The following ARL8B variants were observed in gnomAD, a reference collection of about 807,000 sequenced individuals.
The protein encoded by ARL8B is ADP-ribosylation factor-like protein 8B.
A neutral mutation model predicts 30.6 loss-of-function variants in ARL8B; 9 were observed. The ratio of observed to expected loss-of-function variants is 0.29; its 90% CI spans 0.18 to 0.51. ARL8B has a LOEUF of 0.51. Ranked by LOEUF, ARL8B falls within the 20% of genes least tolerant of loss-of-function variation. ARL8B has a pLI of 0.97. For missense variants in ARL8B, 130 were observed against 227.2 expected, an observed-to-expected ratio of 0.57 and a Z score of 2.75; for synonymous variants, 74 against 76.0, an observed-to-expected ratio of 0.97 and a Z score of 0.14.
intron 1 of ARL8B, among the ~76,000 whole-genome samples, chr3:5,164,016 C>T (rs1175778883): frequency 6.6e-6 from 1 of 152,102 alleles, no homozygotes; most frequent in Non-Finnish European, 1.5e-5. Context: ...GGATTGGTTC[C>T]AGGACCCCCT....
At chr3:5,138,286 C>G (rs1275903243) in intron 1 of ARL8B, among the ~76,000 whole-genome samples, 1 of 151,114 alleles carries the variant, frequency 6.6e-6, no homozygotes, top group African/African-American at 2.4e-5. Flanking sequence ...GTTCAGCAGT[C>G]TAACATTGAC....
chr3:5,147,944 C>T (rs913010377), intron 1 of ARL8B, among the ~76,000 whole-genome samples: 1 of 150,628 alleles, frequency 6.6e-6, no homozygotes, highest in East Asian at 1.9e-4. Flanking sequence ...TCTTTGATCC[C>T]TTTAATTATT....
intron 1 of ARL8B, among the ~76,000 whole-genome samples, chr3:5,158,402 T>C (rs1270177217): frequency 6.6e-6 from 1 of 152,218 alleles, no homozygotes; most frequent in Admixed American, 6.5e-5. Context: ...GTAGCAAACA[T>C]TGAATGCTTT....
At chr3:5,143,903 C>G (rs569734669) in intron 1 of ARL8B, among the ~76,000 whole-genome samples, 21 of 152,320 alleles carry the variant, frequency 1.4e-4, no homozygotes, top group African/African-American at 4.8e-4. Flanking sequence ...CGTAGGGGGA[C>G]AATCCCAAGT....
intron 1 of ARL8B, among the ~76,000 whole-genome samples, chr3:5,132,957 A>G (rs1386828481): frequency 6.6e-6 from 1 of 152,160 alleles, no homozygotes. Context: ...CAGTGGCAGG[A>G]ATGGCTTTTG....
chr3:5,130,476 T>C (rs760746798), intron 1 of ARL8B, among the ~76,000 whole-genome samples: 14 of 152,140 alleles, frequency 9.2e-5, no homozygotes, highest in Non-Finnish European at 1.3e-4. Context: ...AGTATAATCC[T>C]TACCTAATCT....
chr3:5,124,945 T>G lies in ARL8B; in HGVS notation c.123+2357T>G, dbSNP rs2054217861. ...GTGTATTAATACAGCCAGTTGTATT[T>G]GTTGCAGTTGAGTTGTTATGCTTGG... On this transcript the variant is annotated intron_variant, in intron 1 of 6. Transcript: ENST00000256496. 2.0e-5 allele frequency among the ~76,000 whole-genome samples: 3 copies of G among 152,240 alleles called. No individual in the cohort carries two copies. In the South Asian group the frequency reaches 6.2e-4, roughly 32 times the overall value.
intron 5 of ARL8B, 63 bp downstream of exon 5, chr3:5,174,147 T>TA (rs1290022821): frequency 4.4e-5 from 63 of 1,433,340 alleles, no homozygotes; most frequent in Non-Finnish European, 6.0e-5. Context: ...GCCCACTTGT[T>TA]ATGTTATTCC....
intron 1 of ARL8B, among the ~76,000 whole-genome samples, chr3:5,148,861 G>GGACT (rs1242934613): frequency 2.0e-5 from 3 of 152,134 alleles, no homozygotes; most frequent in Non-Finnish European, 2.9e-5. Flanking sequence ...TCTCCCCAAA[G>GGACT]GACTATCTGG....
chr3:5,178,552 A>T, intron 6 of ARL8B, 112 bp from the exon 7 acceptor site: 2 of 935,844 alleles, frequency 2.1e-6, no homozygotes, highest in Non-Finnish European at 3.2e-6. Flanking sequence ...GCAGAAAAGC[A>T]GCAGAGGTCA....
chr3:5,123,990 C>T (rs920885123), intron 1 of ARL8B, among the ~76,000 whole-genome samples: 2 of 152,152 alleles, frequency 1.3e-5, no homozygotes, highest in Non-Finnish European at 2.9e-5. Context: ...TTTCCTGCCT[C>T]CACCTCCTGC....
chr3:5,133,936 C>G (rs1248445798), intron 1 of ARL8B, among the ~76,000 whole-genome samples: 1 of 151,924 alleles, frequency 6.6e-6, no homozygotes, highest in Non-Finnish European at 1.5e-5. Context: ...CCAGGTCTCC[C>G]CTGCACTGCA....
At chr3:5,144,172 G>A (rs1245880570) in intron 1 of ARL8B, among the ~76,000 whole-genome samples, 1 of 152,136 alleles carries the variant, frequency 6.6e-6, no homozygotes, top group East Asian at 1.9e-4. Flanking sequence ...CCAAATCTAG[G>A]TACATTCTGT....
rs549470250 is a variant in ARL8B, at chr3:5,143,179, A to G, written c.123+20591A>G. 2.0e-5 allele frequency among the ~76,000 whole-genome samples: 3 copies of G among 152,328 alleles called. No individual in the cohort carries two copies. In the South Asian group the frequency reaches 6.2e-4, roughly 32 times the overall value. ...TCTGGGGTGCTACCATCTTGGTTAC[A>G]TAGATTACAAACCTGATTGGGTAGG... On this transcript the variant is annotated intron_variant, in intron 1 of 6. Transcript: ENST00000256496.
At chr3:5,169,254 G>A (rs954662627) in intron 1 of ARL8B, among the ~76,000 whole-genome samples, 92 of 151,418 alleles carry the variant, frequency 6.1e-4, no homozygotes, top group African/African-American at 2.2e-3. Context: ...AATATCTTCT[G>A]TCTTTATGAA....
intron 1 of ARL8B, among the ~76,000 whole-genome samples, chr3:5,132,645 C>G (rs938825440): frequency 7.2e-5 from 11 of 152,170 alleles, no homozygotes; most frequent in African/African-American, 2.4e-4. Context: ...TGCTGTACCC[C>G]ATTGCTAAGA....
intron 1 of ARL8B, among the ~76,000 whole-genome samples, chr3:5,169,536 T>C (rs1287288417): frequency 1.3e-5 from 2 of 151,320 alleles, no homozygotes; most frequent in Admixed American, 6.6e-5. Context: ...CCTATTTCTC[T>C]GCATTCTTTC....
intron 1 of ARL8B, among the ~76,000 whole-genome samples, chr3:5,131,053 C>T (rs1364929070): frequency 6.6e-6 from 1 of 152,064 alleles, no homozygotes; most frequent in Admixed American, 6.6e-5. Context: ...GCTAGGACTA[C>T]AGGCACCCGC....
At chr3:5,128,691 A>T (rs779216229) in intron 1 of ARL8B, 8 of 237,762 alleles carry the variant, frequency 3.4e-5, no homozygotes, top group African/African-American at 1.9e-4. Flanking sequence ...TTGTGTTATC[A>T]AAACAATACA....
Sources: allele counts gnomAD v4.1 joint callset (sites outside exome capture counted in the v4.1 genomes callset), GRCh38; gene constraint gnomAD v4.1.1; transcripts MANE v1.5; gene names NCBI Gene and HGNC (gene_info 2026-07-23, HGNC 2026-07-21).